The following SORCS2 variants were observed in gnomAD, a reference collection of about 807,000 sequenced individuals.
The protein encoded by SORCS2 is sortilin related VPS10 domain containing receptor 2, also known as VPS10 domain-containing receptor SorCS2.
In SORCS2, 100 loss-of-function variants were observed where a neutral mutation model predicts 141.6. The ratio of observed to expected loss-of-function variants is 0.71; its 90% CI spans 0.60 to 0.83. SORCS2 has a LOEUF of 0.83. SORCS2 is among the 40% of genes least tolerant of loss of function. The pLI is 0.00. For missense variants in SORCS2, 1,646 were observed against 1,560.2 expected, an observed-to-expected ratio of 1.05 and a Z score of -0.93; for synonymous variants, 789 against 676.9, an observed-to-expected ratio of 1.17 and a Z score of -2.57.
intron 17 of SORCS2, among the ~76,000 whole-genome samples, chr4:7,716,386 C>T (rs1432386118): frequency 1.3e-5 from 2 of 152,120 alleles, no homozygotes; most frequent in Non-Finnish European, 2.9e-5. Flanking sequence ...ATCCAGTTAG[C>T]CATCATCTGT....
intron 3 of SORCS2, among the ~76,000 whole-genome samples, chr4:7,540,805 T>G (rs1712585380): frequency 6.6e-6 from 1 of 152,088 alleles, no homozygotes; most frequent in South Asian, 2.1e-4. Flanking sequence ...GGGTGTGAAG[T>G]GGGGATGAAC....
chr4:7,705,301 G>C (rs112125204), intron 14 of SORCS2, among the ~76,000 whole-genome samples: 52 of 152,324 alleles, frequency 3.4e-4, no homozygotes, highest in African/African-American at 1.1e-3. Flanking sequence ...GCTCAGCCCT[G>C]CCGACCCCTG....
At chr4:7,577,334 G>T (rs73089040) in intron 3 of SORCS2, among the ~76,000 whole-genome samples, 3,945 of 152,322 alleles carry the variant, frequency 0.026, 165 homozygotes, top group African/African-American at 0.089. Flanking sequence ...GGGCAGACAG[G>T]TGAAGTCAGG....
At chr4:7,428,586 C>T (rs982534994) in intron 2 of SORCS2, among the ~76,000 whole-genome samples, 1 of 152,096 alleles carries the variant, frequency 6.6e-6, no homozygotes, top group Non-Finnish European at 1.5e-5. Context: ...TGATGCTGGG[C>T]AGGGTTCTGC....
chr4:7,237,811 T>A (rs1230357468), intron 1 of SORCS2, among the ~76,000 whole-genome samples: 1 of 152,002 alleles, frequency 6.6e-6, no homozygotes, highest in African/African-American at 2.4e-5. Context: ...GAGGGGAGTT[T>A]CGTTTTCTCC....
In SORCS2 at chr4:7,595,702, G is replaced by A. The variant is rs540859831; in HGVS notation, c.649-42626G>A. Among the ~76,000 whole-genome samples the A allele has an allele frequency of 1.4e-4, 21 of 152,274 alleles. No homozygotes were observed. The South Asian group carries it at 4.4e-3, about 32-fold the overall frequency. On this transcript the variant is annotated intron_variant, in intron 3 of 26. Transcript: ENST00000507866. Reference sequence around the variant, plus strand: ...AGGCCAGGGATGTCCTGTGCACAGGGCCTGGCACTTACTCAGTGTTCAGTT... The same window carrying A: ...AGGCCAGGGATGTCCTGTGCACAGGACCTGGCACTTACTCAGTGTTCAGTT...
intron 19 of SORCS2, among the ~76,000 whole-genome samples, chr4:7,724,934 A>AGTGGTGATGGTGGTGGTG (rs1211676913): frequency 1.1e-5 from 1 of 88,148 alleles, no homozygotes; most frequent in African/African-American, 6.6e-5. Flanking sequence ...TGGTGGTAGT[A>AGTGGTGATGGTGGTGGTG]GTGGTGATGG....
chr4:7,722,423 C>G (rs1726653504), intron 18 of SORCS2, among the ~76,000 whole-genome samples: 1 of 152,144 alleles, frequency 6.6e-6, no homozygotes, highest in Admixed American at 6.5e-5. Context: ...AGCCTCCTTC[C>G]TAGGGACCCC....
At chr4:7,370,982 TC>T (rs1722212111) in intron 1 of SORCS2, among the ~76,000 whole-genome samples, 1 of 152,154 alleles carries the variant, frequency 6.6e-6, no homozygotes, top group Admixed American at 6.5e-5. Flanking sequence ...CTAATGTGGG[TC>T]CCTGCTGGGC....
chr4:7,678,554 T>C (rs1723312690), intron 9 of SORCS2, among the ~76,000 whole-genome samples: 2 of 145,440 alleles, frequency 1.4e-5, no homozygotes, highest in South Asian at 4.4e-4. Context: ...TTGGCCGGCC[T>C]GGGGCAGGAG....
intron 1 of SORCS2, among the ~76,000 whole-genome samples, chr4:7,361,379 C>G (rs1036706321): frequency 1.3e-5 from 2 of 152,182 alleles, no homozygotes; most frequent in Non-Finnish European, 2.9e-5. Context: ...GATTTGGTGA[C>G]AGCGCACTCC....
intron 2 of SORCS2, among the ~76,000 whole-genome samples, chr4:7,445,255 G>A (rs765921936): frequency 9.2e-5 from 14 of 152,226 alleles, no homozygotes; most frequent in Non-Finnish European, 1.9e-4. Context: ...GTAAGGGCCA[G>A]ACCTGAGGAG....
chr4:7,379,356 C>A (rs1262781624), intron 1 of SORCS2, among the ~76,000 whole-genome samples: 1 of 152,068 alleles, frequency 6.6e-6, no homozygotes, highest in African/African-American at 2.4e-5. Flanking sequence ...ACACAGCCTG[C>A]GAGGTTGCAC....
chr4:7,205,263 C>T (rs1727671051), intron 1 of SORCS2, among the ~76,000 whole-genome samples: 1 of 152,148 alleles, frequency 6.6e-6, no homozygotes, highest in South Asian at 2.1e-4. Flanking sequence ...TTGAGGACCC[C>T]AAACTGGCAC....
chr4:7,709,691 G>A (rs1355416480), intron 14 of SORCS2, among the ~76,000 whole-genome samples: 1 of 152,154 alleles, frequency 6.6e-6, no homozygotes, highest in Admixed American at 6.5e-5. Context: ...TCAGCTTTCG[G>A]CCACTCTGTC....
intron 1 of SORCS2, among the ~76,000 whole-genome samples, chr4:7,313,910 GC>G (rs1718369059): frequency 6.6e-6 from 1 of 152,146 alleles, no homozygotes; most frequent in Non-Finnish European, 1.5e-5. Context: ...CCCATTGAGG[GC>G]AGGAGTGGTG....
intron 2 of SORCS2, chr4:7,433,190 T>G (rs1727003363): frequency 6.6e-6 from 7 of 1,060,974 alleles, no homozygotes; most frequent in Admixed American, 3.8e-5. Context: ...GGTTTTGAAC[T>G]TCAGCTCTGC....
intron 1 of SORCS2, among the ~76,000 whole-genome samples, chr4:7,300,429 A>G (rs1342088410): frequency 6.6e-6 from 1 of 152,096 alleles, no homozygotes; most frequent in Non-Finnish European, 1.5e-5. Flanking sequence ...TTGCCTCTCT[A>G]GCTTCTGCAC....
At chr4:7,602,963 C>T (rs1324429363) in intron 3 of SORCS2, among the ~76,000 whole-genome samples, 4 of 152,246 alleles carry the variant, frequency 2.6e-5, no homozygotes, top group African/African-American at 9.6e-5. Flanking sequence ...TGGAGACCAG[C>T]CCGACCAACA....
Sources: gnomAD v4.1 joint callset for allele counts (sites outside exome capture counted in the v4.1 genomes callset) on GRCh38, gnomAD v4.1.1 for gene constraint, MANE v1.5 for transcripts, NCBI Gene and HGNC (gene_info 2026-07-23, HGNC 2026-07-21) for gene names.